RALGAPA2: variants seen among roughly 807,000 people sequenced by gnomAD.
The protein encoded by RALGAPA2 is Ral GTPase activating protein catalytic subunit alpha 2.
RALGAPA2 carries 139 observed loss-of-function variants against 230.4 expected under a neutral mutation model. The observed-to-expected ratio is 0.60, with a 90% CI of 0.53 to 0.69. The LOEUF (loss-of-function observed/expected upper bound fraction) is 0.69. Ranked by LOEUF, RALGAPA2 falls within the 30% of genes least tolerant of loss-of-function variation. The probability of loss-of-function intolerance (pLI) is 0.00; values close to 1 mark genes in which losing one functional copy is unlikely to be tolerated. For synonymous variants in RALGAPA2, 847 were observed against 837.8 expected (o/e 1.01, Z -0.19); for missense variants, 2,163 against 2,276.0 (o/e 0.95, Z 1.01).
rs6035648 is a variant in RALGAPA2 at position 20,554,428 on chromosome 20, T to G, written c.3157-7596A>C. Among the ~76,000 whole-genome samples the G allele has an allele frequency of 1.9e-3, 290 of 152,314 alleles. 1 individual carries two copies. Among genetic ancestry groups the G allele is most frequent in the African/African-American group, 6.5e-3 (270 of 41,566 alleles). On this transcript the variant is annotated intron_variant, in intron 23 of 39. Transcript: ENST00000202677. ...GTCTTTTCATCAGTTGATGGGCATT[T>G]AAGCTGTTTCTACCTTTTGGTGACT...
At position 20,393,068 on chromosome 20, in the gene RALGAPA2, A is replaced by T. The variant is rs549618393; in HGVS notation, c.*221T>A. The T allele has an allele frequency of 1.5e-4, 201 of 1,327,912 alleles. 3 individuals are homozygous for T. In the South Asian group the frequency reaches 2.3e-3, roughly 15 times the overall value. The allele number at this position is 1,327,912 out of a possible 1,614,324, so 82.3% of individuals were successfully genotyped here. On this transcript the variant is annotated 3_prime_UTR_variant, in exon 40 of 40. Transcript: ENST00000202677. ...GTTTGAGTCCCATCTGAGACACGGTAGTGGGATTCACCATGGGCTTCAGAA... is the reference window on the plus strand; with the variant it reads ...GTTTGAGTCCCATCTGAGACACGGTTGTGGGATTCACCATGGGCTTCAGAA...
chr20:20,450,697 G>A (rs913776042), intron 37 of RALGAPA2, among the ~76,000 whole-genome samples: 10 of 152,024 alleles, frequency 6.6e-5, no homozygotes, highest in Non-Finnish European at 1.0e-4. Flanking sequence ...CAGGGTTGTC[G>A]CCAAGAGTGA....
chr20:20,586,347 C>T (rs1238189680), intron 18 of RALGAPA2, among the ~76,000 whole-genome samples: 1 of 152,208 alleles, frequency 6.6e-6, no homozygotes, highest in Non-Finnish European at 1.5e-5. Flanking sequence ...TAAAGTAGCA[C>T]TCTCCATGTG....
At chr20:20,655,324 A>T (rs562915481) in intron 3 of RALGAPA2, among the ~76,000 whole-genome samples, 20 of 152,122 alleles carry the variant, frequency 1.3e-4, no homozygotes, top group East Asian at 7.7e-4. Flanking sequence ...GCAAAAAAAA[A>T]TTTTTTAAAT....
chr20:20,623,278 C>T (rs1346526913), intron 10 of RALGAPA2, among the ~76,000 whole-genome samples: 4 of 151,872 alleles, frequency 2.6e-5, no homozygotes, highest in East Asian at 3.9e-4. Flanking sequence ...AAAGAGTTAG[C>T]GAAAGATGTA....
intron 1 of RALGAPA2, among the ~76,000 whole-genome samples, chr20:20,692,035 C>T (rs1299452517): frequency 6.6e-6 from 1 of 152,262 alleles, no homozygotes; most frequent in South Asian, 2.1e-4. Context: ...CTCCCCTTTG[C>T]CTTCTACCAT....
intron 33 of RALGAPA2, among the ~76,000 whole-genome samples, chr20:20,510,529 T>G (rs977282513): frequency 4.7e-5 from 7 of 149,618 alleles, no homozygotes; most frequent in Admixed American, 6.7e-5. Flanking sequence ...AAAGTGGTGT[T>G]TTTTTTTTTT....
intron 4 of RALGAPA2, among the ~76,000 whole-genome samples, chr20:20,645,233 G>C (rs781611210): frequency 6.7e-6 from 1 of 148,482 alleles, no homozygotes; most frequent in Non-Finnish European, 1.5e-5. Context: ...TCCTGCCTCA[G>C]CCTCCTGAGT....
intron 37 of RALGAPA2, among the ~76,000 whole-genome samples, chr20:20,431,502 A>C (rs1186345159): frequency 6.6e-6 from 1 of 152,250 alleles, no homozygotes; most frequent in Admixed American, 6.5e-5. Flanking sequence ...ATGATGCAAG[A>C]GAAAACCAAA....
chr20:20,585,049 C>G (rs1319990086), intron 18 of RALGAPA2, 94 bp from the exon 19 acceptor site: 1 of 641,278 alleles, frequency 1.6e-6, no homozygotes, highest in South Asian at 2.4e-5. Context: ...GAAAAAGAAA[C>G]AAATAATAAT....
chr20:20,667,462 T>C (rs2067992909), intron 3 of RALGAPA2, among the ~76,000 whole-genome samples: 1 of 152,164 alleles, frequency 6.6e-6, no homozygotes, highest in Non-Finnish European at 1.5e-5. Context: ...AACACCAAAC[T>C]GCAGAGAAGG....
chr20:20,668,260 AG>A (rs2146726589), intron 3 of RALGAPA2, among the ~76,000 whole-genome samples: 1 of 152,172 alleles, frequency 6.6e-6, no homozygotes, highest in South Asian at 2.1e-4. Context: ...AAAATTAGCC[AG>A]GCATGGTGGC....
At chr20:20,424,099 C>G (rs6046850) in intron 37 of RALGAPA2, among the ~76,000 whole-genome samples, 3,614 of 152,236 alleles carry the variant, frequency 0.024, 113 homozygotes, top group East Asian at 0.16. Context: ...GAATCCGAGG[C>G]GCTCCACACA....
chr20:20,708,237 TA>T (rs888040017), intron 1 of RALGAPA2, among the ~76,000 whole-genome samples: 1 of 152,202 alleles, frequency 6.6e-6, no homozygotes, highest in African/African-American at 2.4e-5. Context: ...ATGTGGTCAC[TA>T]AAAAAGATTA....
At chr20:20,441,847 G>C (rs2060748578) in intron 37 of RALGAPA2, among the ~76,000 whole-genome samples, 1 of 152,096 alleles carries the variant, frequency 6.6e-6, no homozygotes, top group East Asian at 1.9e-4. Context: ...TCAACAGAAA[G>C]TGAAATTATC....
chr20:20,452,919 G>A (rs758391523), intron 37 of RALGAPA2, among the ~76,000 whole-genome samples: 2 of 152,166 alleles, frequency 1.3e-5, no homozygotes, highest in Non-Finnish European at 2.9e-5. Flanking sequence ...GTGGTGGGGA[G>A]CCGTGAGTTG....
chr20:20,637,049 C>T (rs2146480019), intron 8 of RALGAPA2, among the ~76,000 whole-genome samples: 1 of 152,292 alleles, frequency 6.6e-6, no homozygotes, highest in Middle Eastern at 3.4e-3. Context: ...CAAGGAAAGA[C>T]TTCAGGAAAT....
At chr20:20,635,638 T>G in intron 8 of RALGAPA2, 21 bp from the exon 9 acceptor site, 4 of 1,484,454 alleles carry the variant, frequency 2.7e-6, no homozygotes, top group Non-Finnish European at 3.6e-6. Flanking sequence ...AAAGAACACA[T>G]GATTGATTAG....
intron 37 of RALGAPA2, among the ~76,000 whole-genome samples, chr20:20,416,064 T>C (rs902393832): frequency 3.3e-5 from 5 of 152,174 alleles, no homozygotes; most frequent in African/African-American, 1.2e-4. Context: ...CTGAGGCAAG[T>C]GGTTCCGACT....
Sources: gnomAD v4.1 joint callset for allele counts (sites outside exome capture counted in the v4.1 genomes callset) on GRCh38, gnomAD v4.1.1 for gene constraint, MANE v1.5 for transcripts, NCBI Gene and HGNC (gene_info 2026-07-23, HGNC 2026-07-21) for gene names.